The following BPI variants were observed in gnomAD, a reference collection of about 807,000 sequenced individuals.
BPI encodes bactericidal permeability increasing protein.
Under a neutral mutation model 57.6 loss-of-function variants are expected in BPI, and 48 were observed. The observed-to-expected ratio is 0.83, with a 90% CI of 0.66 to 1.06. The LOEUF is 1.06. Among genes scored for constraint, BPI ranks in the 50% least tolerant of loss-of-function variants. The pLI is 0.00. For synonymous variants in BPI, 237 were observed against 238.2 expected, an observed-to-expected ratio of 0.99 and a Z score of 0.05; for missense variants, 651 against 609.7, an observed-to-expected ratio of 1.07 and a Z score of -0.71.
chr20:38,322,063 G>A (rs575448155), intron 7 of BPI, among the ~76,000 whole-genome samples: 1 of 152,156 alleles, frequency 6.6e-6, no homozygotes, highest in Non-Finnish European at 1.5e-5. Flanking sequence ...CGTATCATAG[G>A]AACATCTTTG....
intron 4 of BPI, among the ~76,000 whole-genome samples, chr20:38,311,521 G>C (rs962617819): frequency 1.3e-5 from 2 of 152,184 alleles, no homozygotes; most frequent in Non-Finnish European, 1.5e-5. Context: ...TGTTGGGGAG[G>C]GGGGTGTTTT....
chr20:38,310,788 G>A (rs2076618297), intron 4 of BPI, 136 bp downstream of exon 4: 2 of 1,090,652 alleles, frequency 1.8e-6, no homozygotes, highest in Non-Finnish European at 2.6e-6. Context: ...CATGGTATGG[G>A]GGCCAGGGGC....
At position 38,310,383 on chromosome 20, in the gene BPI, C is replaced by T. The variant is rs144416582; in HGVS notation, c.375-108C>T. 5.1e-5 allele frequency: 68 copies of T among 1,346,256 alleles called. No homozygotes were observed. The African/African-American group carries it at 9.0e-4, about 18-fold the overall frequency. 83.4% of individuals were successfully genotyped at this position (1,346,256 alleles called of 1,614,324 possible). ...CCTCTTCTCTCTGAACGTACCTCCT[C>T]ACCTGGAGTGGGGATAATAACAAAA... On this transcript the variant is annotated intron_variant, in intron 3 of 14. Transcript: ENST00000642449.
In BPI at chr20:38,312,015, C is replaced by T. The variant is rs1600700022; in HGVS notation, c.600+78C>T. The T allele has an allele frequency of 2.8e-6, 4 of 1,427,622 alleles. No individual in the cohort carries two copies. In the East Asian group the frequency reaches 6.8e-5, roughly 24 times the overall value. 88.4% of individuals were successfully genotyped at this position (1,427,622 alleles called of 1,614,324 possible). On this transcript the variant is annotated intron_variant, in intron 5 of 14. Coordinates refer to ENST00000642449, the MANE Select transcript of BPI (RefSeq NM_001725.3). Reference sequence around the variant, plus strand: ...ACCACACACCTCCCCCTTCTACGGACACTCTGCTGTCACTCCAGACCCCTT... The same window carrying T: ...ACCACACACCTCCCCCTTCTACGGATACTCTGCTGTCACTCCAGACCCCTT...
intron 12 of BPI, among the ~76,000 whole-genome samples, 163 bp downstream of exon 12, chr20:38,331,253 A>G (rs2076741332): frequency 6.6e-6 from 1 of 152,152 alleles, no homozygotes; most frequent in African/African-American, 2.4e-5. Context: ...GAGGGACCTG[A>G]GCCAGAATCC....
At chr20:38,317,491 G>T (rs1264157612) in intron 5 of BPI, among the ~76,000 whole-genome samples, 1 of 152,182 alleles carries the variant, frequency 6.6e-6, no homozygotes, top group Non-Finnish European at 1.5e-5. Flanking sequence ...AGCTCTGCTG[G>T]GACTATTGAC....
rs71644569 is a variant in BPI, at chr20:38,331,843, C to CA, written c.1272+770dup. On this transcript the variant is annotated intron_variant, in intron 12 of 14. Coordinates refer to ENST00000642449, the MANE Select transcript of BPI (RefSeq NM_001725.3). ...TGTGTGACAGAGTGAAATCTTGTCT[C>CA]AAAAAAAAAAAAAAAAAGAGAGAGA... Among the ~76,000 whole-genome samples, 642 of 80,902 alleles carry CA rather than the reference C, an allele frequency of 7.9e-3. 2 individuals carry two copies. The highest frequency in any genetic ancestry group is 0.015 in the African/African-American group (320 of 21,594). 53.1% of individuals were successfully genotyped at this position (80,902 alleles called of 152,430 possible).
At chr20:38,318,560 C>A (rs1463265813) in intron 6 of BPI, 84 bp downstream of exon 6, 3 of 1,469,052 alleles carry the variant, frequency 2.0e-6, no homozygotes, top group Non-Finnish European at 2.9e-6. Flanking sequence ...ATGGGGCCGG[C>A]AAGTTTCCCA....
chr20:38,327,786 A>G, intron 11 of BPI, 131 bp downstream of exon 11: 1 of 1,075,664 alleles, frequency 9.3e-7, no homozygotes, highest in South Asian at 1.4e-5. Context: ...TAAAACCTCA[A>G]AGAGTGTGCG....
intron 11 of BPI, among the ~76,000 whole-genome samples, chr20:38,329,170 GAAAGGT>G (rs2076729518): frequency 6.6e-6 from 1 of 152,216 alleles, no homozygotes; most frequent in Admixed American, 6.5e-5. Context: ...TGTAGAAAAG[GAAAGGT>G]AGAGAAAGAG....
intron 1 of BPI, among the ~76,000 whole-genome samples, chr20:38,304,641 C>T (rs1167555956): frequency 3.9e-5 from 6 of 152,206 alleles, no homozygotes; most frequent in Non-Finnish European, 8.8e-5. Context: ...GTAACCTCCA[C>T]CTTTGACTTA....
chr20:38,333,301 G>A (rs2076751106), intron 12 of BPI, among the ~76,000 whole-genome samples: 1 of 151,986 alleles, frequency 6.6e-6, no homozygotes, highest in Admixed American at 6.6e-5. Context: ...CATTTGGTGA[G>A]GCCAGGGAAT....
chr20:38,311,419 G>T (rs1781263735), intron 4 of BPI, among the ~76,000 whole-genome samples: 1 of 152,232 alleles, frequency 6.6e-6, no homozygotes, highest in South Asian at 2.1e-4. Context: ...AGAACCAGAG[G>T]CTCTGACCGC....
At chr20:38,314,700 GTGATGGTGATGGTGGGGATGATGATAA>G (rs1568811530) in intron 5 of BPI, among the ~76,000 whole-genome samples, 2 of 137,298 alleles carry the variant, frequency 1.5e-5, no homozygotes, top group African/African-American at 5.6e-5. Flanking sequence ...GATGATGGTG[GTGATGGTGATGGTGGGGATGATGATAA>G]TGATGGTGAT....
rs2076616550 is a variant in BPI, at chr20:38,310,480, T to C, written c.375-11T>C. 4 of 1,611,252 alleles carry C rather than the reference T, an allele frequency of 2.5e-6. No individual in the cohort carries two copies. The East Asian group carries it at 6.7e-5, about 27-fold the overall frequency. On this transcript the variant is annotated splice_polypyrimidine_tract_variant and intron_variant, in intron 3 of 14. Transcript: ENST00000642449. ...AGGACTTGTCCCACATTCCTCTTTG[T>C]TCTTCTTCAGAAAAATGAGCGGCAA...
chr20:38,333,124 A>G (rs1311439132), intron 12 of BPI, among the ~76,000 whole-genome samples: 1 of 152,094 alleles, frequency 6.6e-6, no homozygotes, highest in African/African-American at 2.4e-5. Context: ...AGCCATTTCT[A>G]CCAAATGAGA....
At chr20:38,316,404 C>T (rs1340730996) in intron 5 of BPI, among the ~76,000 whole-genome samples, 2 of 152,194 alleles carry the variant, frequency 1.3e-5, no homozygotes, top group Admixed American at 1.3e-4. Flanking sequence ...CACACAGGGA[C>T]AGTTGTCCTT....
At chr20:38,337,105 G>T (rs2076771254) in intron 14 of BPI, 41 bp from the exon 15 acceptor site, 2 of 1,587,932 alleles carry the variant, frequency 1.3e-6, no homozygotes, top group African/African-American at 1.4e-5. Flanking sequence ...CAAACAAGGG[G>T]TGCATCTTCA....
intron 14 of BPI, among the ~76,000 whole-genome samples, chr20:38,336,915 G>T (rs1250363379): frequency 1.3e-5 from 2 of 152,114 alleles, no homozygotes; most frequent in Non-Finnish European, 2.9e-5. Context: ...GGGGGTCTCC[G>T]TGTCTAAGAA....
Sources: allele counts gnomAD v4.1 joint callset (sites outside exome capture counted in the v4.1 genomes callset), GRCh38; gene constraint gnomAD v4.1.1; transcripts MANE v1.5; gene names NCBI Gene and HGNC (gene_info 2026-07-23, HGNC 2026-07-21).